The following TJP1 variants were observed in gnomAD, a reference collection of about 807,000 sequenced individuals.
The protein encoded by TJP1 is tight junction protein 1, also known as tight junction protein ZO-1.
In TJP1, 43 loss-of-function variants were observed where a neutral mutation model predicts 194.2. That is an observed-to-expected ratio of 0.22 (90% confidence interval 0.17 to 0.29). The LOEUF (loss-of-function observed/expected upper bound fraction) is 0.29. Among genes scored for constraint, TJP1 ranks in the 10% least tolerant of loss-of-function variants. The pLI, the probability that TJP1 is intolerant of heterozygous loss-of-function variation, is 1.00. For missense variants in TJP1, 1,971 were observed against 2,185.7 expected, an observed-to-expected ratio of 0.90 and a Z score of 1.96; for synonymous variants, 801 against 779.0, an observed-to-expected ratio of 1.03 and a Z score of -0.47.
Position 29,796,340 on chromosome 15 carries a change from T to TAAAA in TJP1, c.84+4302_84+4305dup, listed in dbSNP as rs535486616. On this transcript the variant is annotated intron_variant, in intron 2 of 27. Transcript: ENST00000614355. ...TAATTTTAAGACTGCAAGGTTGCTA[T>TAAAA]AAAAAAAAAAACAAAAAAAAACCTG... is the stretch of plus-strand genomic sequence containing the variant. Among the ~76,000 whole-genome samples the TAAAA allele has an allele frequency of 3.0e-4, 25 of 83,130 alleles. No homozygotes were observed. In the East Asian group the frequency reaches 3.3e-3, roughly 11 times the overall value. 54.5% of individuals were successfully genotyped at this position (83,130 alleles called of 152,430 possible).
intron 2 of TJP1, among the ~76,000 whole-genome samples, chr15:29,839,727 G>A (rs772348992): frequency 6.6e-6 from 1 of 152,178 alleles, no homozygotes; most frequent in Non-Finnish European, 1.5e-5. Flanking sequence ...ATCCCCATGT[G>A]AAAATAACTC....
chr15:29,782,587 A>C (rs1433208694), intron 2 of TJP1, among the ~76,000 whole-genome samples: 1 of 152,192 alleles, frequency 6.6e-6, no homozygotes, highest in Non-Finnish European at 1.5e-5. Context: ...AAAACTATAA[A>C]AACCCTGGAA....
At chr15:29,884,012 T>C (rs2053029248) in intron 2 of TJP1, among the ~76,000 whole-genome samples, 1 of 152,176 alleles carries the variant, frequency 6.6e-6, no homozygotes, top group African/African-American at 2.4e-5. Context: ...GGAAAACGAT[T>C]TTAGGCTGAA....
At chr15:29,744,767 C>A (rs953286431) in intron 8 of TJP1, among the ~76,000 whole-genome samples, 6 of 152,126 alleles carry the variant, frequency 3.9e-5, no homozygotes, top group African/African-American at 1.4e-4. Flanking sequence ...ATGTACTCAT[C>A]GTCGACAATT....
rs2041517499 is a variant in TJP1, at chr15:29,701,180, TAATAA to T, written c.*410_*414del. 1 of 163,924 alleles carries T rather than the reference TAATAA, an allele frequency of 6.1e-6. No homozygotes were observed. Among genetic ancestry groups the T allele is most frequent in the African/African-American group, 2.4e-5 (1 of 41,914 alleles). The allele number at this position is 163,924 out of a possible 1,614,324, so 10.2% of individuals were successfully genotyped here. A position where few individuals can be genotyped will look rare whatever the true frequency, so the allele number is the denominator to read the frequency against. Reference sequence around the variant, plus strand: ...AAATGTGTGCATATTACTTCATGCATAATAAAATAAAATGTGTACGTATGCTAGGC... The same window carrying T: ...AAATGTGTGCATATTACTTCATGCATAATAAAATGTGTACGTATGCTAGGC... On this transcript the variant is annotated 3_prime_UTR_variant, in exon 28 of 28. Coordinates refer to ENST00000614355, the MANE Select transcript of TJP1 (RefSeq NM_001330239.4).
At chr15:29,790,782 G>A (rs2048028380) in intron 2 of TJP1, among the ~76,000 whole-genome samples, 4 of 148,372 alleles carry the variant, frequency 2.7e-5, no homozygotes. Context: ...TCCCACGAGT[G>A]AGAAAATGTG....
chr15:29,726,367 G>A lies in TJP1; in HGVS notation c.2412+12C>T. ...ACTGAACAAGTCAAAAAAGTAATAG[G>A]AAATGTCTTACCTTTCCCTCGGAAA... On this transcript the variant is annotated intron_variant, in intron 18 of 27. Transcript: ENST00000614355. 6.2e-7 allele frequency: 1 copy of A among 1,610,094 alleles called. No homozygotes were observed. The highest frequency in any genetic ancestry group is 8.5e-7 in the Non-Finnish European group (1 of 1,176,694).
At chr15:29,878,897 G>A (rs2052815835) in intron 2 of TJP1, among the ~76,000 whole-genome samples, 1 of 152,090 alleles carries the variant, frequency 6.6e-6, no homozygotes, top group Non-Finnish European at 1.5e-5. Context: ...GGCTGAGGCG[G>A]GTGGATCACG....
intron 8 of TJP1, among the ~76,000 whole-genome samples, chr15:29,744,445 CA>C (rs931908228): frequency 5.3e-5 from 8 of 151,866 alleles, no homozygotes; most frequent in African/African-American, 1.9e-4. Flanking sequence ...TGGCAAGAAA[CA>C]AAATAAAACT....
intron 2 of TJP1, among the ~76,000 whole-genome samples, chr15:29,848,619 T>C (rs1247190567): frequency 6.6e-6 from 1 of 152,158 alleles, no homozygotes; most frequent in Non-Finnish European, 1.5e-5. Context: ...TCCAGCACTT[T>C]GGGAAGCCAA....
intron 2 of TJP1, among the ~76,000 whole-genome samples, chr15:29,860,729 G>A (rs2052047050): frequency 6.6e-6 from 1 of 152,124 alleles, no homozygotes; most frequent in Non-Finnish European, 1.5e-5. Context: ...GGAAATGCAG[G>A]CATACCTCAT....
chr15:29,856,302 C>T (rs981303213), intron 2 of TJP1, among the ~76,000 whole-genome samples: 4 of 152,062 alleles, frequency 2.6e-5, no homozygotes, highest in African/African-American at 4.8e-5. Flanking sequence ...TAATACAATA[C>T]AACATAGATG....
intron 2 of TJP1, among the ~76,000 whole-genome samples, chr15:29,906,132 C>T (rs2053801013): frequency 6.6e-6 from 1 of 152,102 alleles, no homozygotes; most frequent in Non-Finnish European, 1.5e-5. Flanking sequence ...TACAGAAACT[C>T]TCTGTACTTT....
intron 1 of TJP1, among the ~76,000 whole-genome samples, chr15:29,815,777 T>C (rs990607244): frequency 6.6e-6 from 1 of 152,358 alleles, no homozygotes; most frequent in South Asian, 2.1e-4. Flanking sequence ...ATCATATTTA[T>C]ACACAGTTTT....
chr15:29,802,322 T>C (rs1413175727), intron 1 of TJP1, among the ~76,000 whole-genome samples: 3 of 152,166 alleles, frequency 2.0e-5, no homozygotes, highest in Non-Finnish European at 4.4e-5. Flanking sequence ...CATTCTCTCC[T>C]TTCCCACAGC....
At chr15:29,773,433 A>T (rs1442226884) in intron 2 of TJP1, 76 bp from the exon 3 acceptor site, 1 of 1,402,346 alleles carries the variant, frequency 7.1e-7, no homozygotes, top group Middle Eastern at 1.9e-4. Context: ...CAATCTAGAG[A>T]AGCCAAAATA....
chr15:29,798,448 A>G (rs1490097569), intron 2 of TJP1, among the ~76,000 whole-genome samples: 1 of 152,122 alleles, frequency 6.6e-6, no homozygotes, highest in Admixed American at 6.6e-5. Context: ...GAATGTTCCA[A>G]TGAGCATTTC....
At chr15:29,842,772 TG>T (rs1363729777) in intron 2 of TJP1, among the ~76,000 whole-genome samples, 1 of 152,212 alleles carries the variant, frequency 6.6e-6, no homozygotes, top group Admixed American at 6.5e-5. Context: ...CCCTTAACCC[TG>T]CTGCCCCCAG....
intron 18 of TJP1, among the ~76,000 whole-genome samples, chr15:29,722,822 T>C (rs1215444358): frequency 6.6e-6 from 1 of 152,168 alleles, no homozygotes; most frequent in African/African-American, 2.4e-5. Flanking sequence ...AAGGCCTTGG[T>C]AGCTCACCCC....
Sources: gnomAD v4.1 joint callset for allele counts (sites outside exome capture counted in the v4.1 genomes callset) on GRCh38, gnomAD v4.1.1 for gene constraint, MANE v1.5 for transcripts, NCBI Gene and HGNC (gene_info 2026-07-23, HGNC 2026-07-21) for gene names.